CCDC27: variants seen among roughly 807,000 people sequenced by gnomAD.
CCDC27 encodes the protein coiled-coil domain-containing protein 27.
In CCDC27, 80 loss-of-function variants were observed where a neutral mutation model predicts 80.3. That is an observed-to-expected ratio of 1.00 (90% CI 0.83 to 1.20). The LOEUF is 1.20. Ranked by LOEUF, CCDC27 falls within the 50% of genes most tolerant of loss-of-function variation. The pLI is 0.00. For synonymous variants in CCDC27, 342 were observed against 334.3 expected (o/e 1.02, Z -0.25); for missense variants, 815 against 809.4 (o/e 1.01, Z -0.08).
In CCDC27 at chr1:3,769,904, A is replaced by T; in HGVS notation, c.1848+17A>T. Reference sequence around the variant, plus strand: ...GCCCTGCAGGTATACCCCTAAGCTCAGCTGCCTCTATCCGGGCCCCAGACC... The same window carrying T: ...GCCCTGCAGGTATACCCCTAAGCTCTGCTGCCTCTATCCGGGCCCCAGACC... On this transcript the variant is annotated intron_variant, in intron 11 of 11. Coordinates refer to ENST00000294600, the MANE Select transcript of CCDC27 (RefSeq NM_152492.3). This position sits in a 1 kb window ranked among gnomAD's most constrained non-coding sequence, Gnocchi z 4.6. 1 of 1,591,800 alleles carries T rather than the reference A, an allele frequency of 6.3e-7. No individual in the cohort carries two copies. Among genetic ancestry groups the T allele is most frequent in the East Asian group, 2.2e-5 (1 of 44,782 alleles).
At chr1:3,770,168 C>A (rs115253882) in intron 11 of CCDC27, among the ~76,000 whole-genome samples, 56 of 152,294 alleles carry the variant, frequency 3.7e-4, no homozygotes, top group Non-Finnish European at 7.2e-4. Flanking sequence ...CCATCCTGAG[C>A]GCTGTGGAGA....
rs767611688 is a variant in CCDC27, at chr1:3,763,865, C to T, written c.1452+29C>T. 2.5e-6 allele frequency: 4 copies of T among 1,609,318 alleles called. No individual in the cohort carries two copies. The East Asian group carries it at 8.9e-5, about 36-fold the overall frequency. Reference sequence around the variant, plus strand: ...GCCGTGCGCTCAGTACCGGCCTCCGCTCCATGAGCATGGGCCCCAGGCTTC... The same window carrying T: ...GCCGTGCGCTCAGTACCGGCCTCCGTTCCATGAGCATGGGCCCCAGGCTTC... On this transcript the variant is annotated intron_variant, in intron 8 of 11. Coordinates refer to ENST00000294600, the MANE Select transcript of CCDC27 (RefSeq NM_152492.3). This position sits in a 1 kb window ranked among gnomAD's most constrained non-coding sequence, Gnocchi z 7.5.
rs1371525743 is a variant in CCDC27, at chr1:3,763,090, G to T, written c.955-18G>T. The T allele has an allele frequency of 9.6e-6, 14 of 1,465,010 alleles. No homozygotes were observed. The highest frequency in any genetic ancestry group is 1.2e-5 in the Non-Finnish European group (13 of 1,107,214). 90.8% of individuals were successfully genotyped at this position (1,465,010 alleles called of 1,614,324 possible). On this transcript the variant is annotated intron_variant, in intron 6 of 11. Transcript: ENST00000294600. This position sits in a 1 kb window ranked among gnomAD's most constrained non-coding sequence, Gnocchi z 7.5. Reference sequence around the variant, plus strand: ...TGCCCCGCAGCCCTGCCCAGCCCCTGCCCTACCCATCTTACAGATGCAGGA... The same window carrying T: ...TGCCCCGCAGCCCTGCCCAGCCCCTTCCCTACCCATCTTACAGATGCAGGA...
At chr1:3,758,292 A>T (rs1393210630) in intron 4 of CCDC27, among the ~76,000 whole-genome samples, 3 of 149,970 alleles carry the variant, frequency 2.0e-5, no homozygotes, top group Non-Finnish European at 4.4e-5. Context: ...GGGTTCAAGC[A>T]ATTCTCCTGC....
chr1:3,767,499 C>T (rs1222869488), intron 10 of CCDC27, 54 bp downstream of exon 10: 4 of 1,500,244 alleles, frequency 2.7e-6, no homozygotes, highest in Non-Finnish European at 3.6e-6. Context: ...CGGCCGAGCA[C>T]CCAGGCCTCT....
chr1:3,757,290 T>TAAGAA (rs1642981580), intron 4 of CCDC27: 4 of 153,632 alleles, frequency 2.6e-5, no homozygotes, highest in Non-Finnish European at 5.8e-5. Context: ...TAAGAAAGAC[T>TAAGAA]AACCTATATT....
At position 3,761,471 on chromosome 1, in the gene CCDC27, C is replaced by T. The variant is rs774748457; in HGVS notation, c.861+41C>T. The stretch of plus-strand genomic sequence containing the variant: ...CGGGGCACAGCGCAGAGCTCTAAGA[C>T]GGTTGTTTTCAAAGCGTCCAAAGCT... On this transcript the variant is annotated intron_variant, in intron 5 of 11. Coordinates refer to ENST00000294600, the MANE Select transcript of CCDC27 (RefSeq NM_152492.3). The surrounding 1 kb of genome is among the most constrained non-coding windows in gnomAD (Gnocchi z 5.0). 1.6e-5 allele frequency: 26 copies of T among 1,594,604 alleles called. No individual in the cohort carries two copies. Among genetic ancestry groups the T allele is most frequent in the South Asian group, 2.2e-5 (2 of 89,086 alleles).
rs201415436 is a variant in CCDC27, at chr1:3,769,809, C to T, written c.1770C>T (p.Ile590=). The T allele has an allele frequency of 9.3e-6, 15 of 1,614,024 alleles. No homozygotes were observed. The highest frequency in any genetic ancestry group is 1.3e-5 in the Non-Finnish European group (15 of 1,179,922). ...TCGAGAGGTTAAGGAATAAGATCAT[C>T]CAGGCCACCTTTAGCATCTCCGGGA... The part of the protein sequence containing the change: ...SRLERLRNKI[I]QATFSISGTK... The change falls in exon 11 of 12, where the codon ATC becomes ATT. Residue 590 remains isoleucine, a synonymous_variant. Transcript: ENST00000294600. This position sits in a 1 kb window ranked among gnomAD's most constrained non-coding sequence, Gnocchi z 4.6.
At position 3,768,968 on chromosome 1, in the gene CCDC27, A is replaced by T. The variant is rs1643295776; in HGVS notation, c.1744-815A>T. The stretch of plus-strand genomic sequence containing the variant: ...AGGGGCCCATGACATTCCTGCTGTC[A>T]CTTAAACCTGTCCGAGCGGCAGTGT... On this transcript the variant is annotated intron_variant, in intron 10 of 11. Coordinates refer to ENST00000294600, the MANE Select transcript of CCDC27 (RefSeq NM_152492.3). The surrounding 1 kb of genome is among the most constrained non-coding windows in gnomAD (Gnocchi z 5.6). Among the ~76,000 whole-genome samples, 1 of 152,204 alleles carries T rather than the reference A, an allele frequency of 6.6e-6. No individual in the cohort carries two copies. Among genetic ancestry groups the T allele is most frequent in the African/African-American group, 2.4e-5 (1 of 41,468 alleles).
chr1:3,762,843 G>A, intron 6 of CCDC27, 131 bp downstream of exon 6: 2 of 921,374 alleles, frequency 2.2e-6, no homozygotes, highest in South Asian at 3.5e-5. Flanking sequence ...CCACTCCAGG[G>A]GAGCAGGTGA....
Position 3,763,924 on chromosome 1 carries a change from C to T in CCDC27, c.1452+88C>T, listed in dbSNP as rs577577884. On this transcript the variant is annotated intron_variant, in intron 8 of 11. Transcript: ENST00000294600. This position sits in a 1 kb window ranked among gnomAD's most constrained non-coding sequence, Gnocchi z 7.5. Reference sequence around the variant, plus strand: ...CCGGCAGCTCGGGGCAGGCGCTGCCCGTCCCATCTACTGATGGAGACTTTG... The same window carrying T: ...CCGGCAGCTCGGGGCAGGCGCTGCCTGTCCCATCTACTGATGGAGACTTTG... The T allele has an allele frequency of 2.1e-4, 323 of 1,523,204 alleles. No individual in the cohort carries two copies. The highest frequency in any genetic ancestry group is 4.0e-4 in the African/African-American group (29 of 72,710). 94.4% of individuals were successfully genotyped at this position (1,523,204 alleles called of 1,614,324 possible). A position where few individuals can be genotyped will look rare whatever the true frequency, so the allele number is the denominator to read the frequency against.
At position 3,763,195 on chromosome 1, in the gene CCDC27, G is replaced by A. The variant is rs751701055; in HGVS notation, c.1042G>A (p.Asp348Asn). The change falls in exon 7 of 12, where the codon GAT becomes AAT. Residue 348 changes from aspartate (D) to asparagine (N), a missense_variant. Transcript: ENST00000294600. This position sits in a 1 kb window ranked among gnomAD's most constrained non-coding sequence, Gnocchi z 7.5. ...EEDEGLEGEP[D>N]GVEDTGAWGG... Reference sequence around the variant, plus strand: ...GGACGAGGGCCTGGAAGGGGAGCCCGATGGGGTGGAGGACACGGGTGCCTG... The same window carrying A: ...GGACGAGGGCCTGGAAGGGGAGCCCAATGGGGTGGAGGACACGGGTGCCTG... 24 of 1,519,730 alleles carry A rather than the reference G, an allele frequency of 1.6e-5. No individual in the cohort carries two copies. The South Asian group carries it at 1.9e-4, about 12-fold the overall frequency. The allele number at this position is 1,519,730 out of a possible 1,614,324, so 94.1% of individuals were successfully genotyped here. A position where few individuals can be genotyped will look rare whatever the true frequency, so the allele number is the denominator to read the frequency against.
intron 4 of CCDC27, among the ~76,000 whole-genome samples, chr1:3,757,647 G>T (rs530806052): frequency 5.9e-5 from 9 of 152,134 alleles, no homozygotes; most frequent in African/African-American, 2.2e-4. Flanking sequence ...CCCCGGCCAG[G>T]CGAGGTGGCT....
Position 3,760,259 on chromosome 1 carries a change from A to C in CCDC27, c.712-1022A>C, listed in dbSNP as rs763799733. Among the ~76,000 whole-genome samples the C allele has an allele frequency of 1.3e-5, 2 of 152,120 alleles. No individual in the cohort carries two copies. The highest frequency in any genetic ancestry group is 2.4e-5 in the African/African-American group (1 of 41,412). ...AAAGTGGTAAGAATCCATACTACAA[A>C]GATTCCCATGTACTTTTCCATTCCC... On this transcript the variant is annotated intron_variant, in intron 4 of 11. Coordinates refer to ENST00000294600, the MANE Select transcript of CCDC27 (RefSeq NM_152492.3). The surrounding 1 kb of genome is among the most constrained non-coding windows in gnomAD (Gnocchi z 4.3).
chr1:3,756,357 A>AAG (rs1553152642), intron 3 of CCDC27: 2 of 160,084 alleles, frequency 1.2e-5, no homozygotes, highest in African/African-American at 2.4e-5. Context: ...AAAAAAAAAA[A>AAG]AGAGAGATGG....
rs1378977920 is a variant in CCDC27, at chr1:3,771,631, G to A, written c.*108G>A. On this transcript the variant is annotated 3_prime_UTR_variant, in exon 12 of 12. Coordinates refer to ENST00000294600, the MANE Select transcript of CCDC27 (RefSeq NM_152492.3). Reference sequence around the variant, plus strand: ...GCTCTCAGACTCAGAATTAAACCCCGGTGTTGGCACTGTCCCACCTTTTTC... The same window carrying A: ...GCTCTCAGACTCAGAATTAAACCCCAGTGTTGGCACTGTCCCACCTTTTTC... The A allele has an allele frequency of 1.4e-5, 18 of 1,283,548 alleles. No homozygotes were observed. The highest frequency in any genetic ancestry group is 1.4e-5 in the South Asian group (1 of 73,808). 79.5% of individuals were successfully genotyped at this position (1,283,548 alleles called of 1,614,324 possible).
intron 8 of CCDC27, among the ~76,000 whole-genome samples, chr1:3,765,339 A>T (rs1643203287): frequency 6.6e-6 from 1 of 152,070 alleles, no homozygotes; most frequent in Admixed American, 6.5e-5. Flanking sequence ...GTGTGTTTTC[A>T]TCTGTTGTAT....
At chr1:3,758,995 G>C (rs1375302360) in intron 4 of CCDC27, among the ~76,000 whole-genome samples, 4 of 152,038 alleles carry the variant, frequency 2.6e-5, no homozygotes, top group African/African-American at 9.7e-5. Context: ...TGGATCATGA[G>C]GTCAGGAGTT....
rs574818368 is a variant in CCDC27, at chr1:3,763,173, C to T, written c.1020C>T (p.Asp340=). The T allele has an allele frequency of 9.3e-5, 140 of 1,504,590 alleles. 4 individuals are homozygous for T. In the South Asian group the frequency reaches 9.8e-4, roughly 10 times the overall value. The allele number at this position is 1,504,590 out of a possible 1,614,324, so 93.2% of individuals were successfully genotyped here. The change falls in exon 7 of 12, where the codon GAC becomes GAT. Residue 340 remains aspartate, a synonymous_variant. Coordinates refer to ENST00000294600, the MANE Select transcript of CCDC27 (RefSeq NM_152492.3). This position sits in a 1 kb window ranked among gnomAD's most constrained non-coding sequence, Gnocchi z 7.5. ...CCGACCTGGGAGGTGGCGAGGAGGA[C>T]GAGGGCCTGGAAGGGGAGCCCGATG... ...KEPDLGGGEE[D]EGLEGEPDGV...
Sources: allele counts gnomAD v4.1 joint callset (sites outside exome capture counted in the v4.1 genomes callset), GRCh38; gene constraint gnomAD v4.1.1; non-coding constraint Gnocchi (gnomAD v3.1); transcripts MANE v1.5; gene names NCBI Gene and HGNC (gene_info 2026-07-23, HGNC 2026-07-21).